The following SYNJ1 variants were observed in gnomAD, a reference collection of about 807,000 sequenced individuals.
SYNJ1 encodes polyphosphatidylinositol phosphatase SYNJ1.
A neutral mutation model predicts 168.2 loss-of-function variants in SYNJ1; 78 were observed. The observed-to-expected ratio is 0.46, with a 90% CI of 0.39 to 0.56. The LOEUF is 0.56. Ranked by LOEUF, SYNJ1 falls within the 20% of genes least tolerant of loss-of-function variation. The pLI is 0.00. For missense variants in SYNJ1, 1,303 were observed against 1,597.6 expected, an observed-to-expected ratio of 0.82 and a Z score of 3.14; for synonymous variants, 539 against 548.6, an observed-to-expected ratio of 0.98 and a Z score of 0.24.
chr21:32,692,631 C>T (rs1361307833), intron 6 of SYNJ1, among the ~76,000 whole-genome samples: 1 of 151,968 alleles, frequency 6.6e-6, no homozygotes, highest in African/African-American at 2.4e-5. Flanking sequence ...CCAACCAGAC[C>T]GTATAGGAAG....
intron 2 of SYNJ1, among the ~76,000 whole-genome samples, chr21:32,719,711 C>A (rs1333742370): frequency 1.4e-5 from 2 of 144,144 alleles, no homozygotes; most frequent in Admixed American, 1.4e-4. Flanking sequence ...AAAACTCCAT[C>A]TTAAAAAAAA....
rs537871808 is a variant in SYNJ1 at position 32,661,566 on chromosome 21, C to G, written c.2304+3347G>C. Among the ~76,000 whole-genome samples, 509 of 152,138 alleles carry G rather than the reference C, an allele frequency of 3.3e-3. 5 individuals carry two copies. Among genetic ancestry groups the G allele is most frequent in the South Asian group, 0.031 (148 of 4,808 alleles). The stretch of plus-strand genomic sequence containing the variant: ...ATAACGGGCCGGTGTTTGTGGCTGA[C>G]TTGGTACAGAAGACAGCAAAGGCAT... On this transcript the variant is annotated intron_variant, in intron 18 of 32. Coordinates refer to ENST00000674351, the MANE Select transcript of SYNJ1 (RefSeq NM_203446.3).
chr21:32,690,529 C>T (rs961781467), intron 6 of SYNJ1, among the ~76,000 whole-genome samples: 4 of 152,120 alleles, frequency 2.6e-5, no homozygotes, highest in African/African-American at 9.7e-5. Context: ...AGAGCTATTG[C>T]CAATCGTGAT....
chr21:32,725,547 A>G (rs2043414062), intron 2 of SYNJ1, among the ~76,000 whole-genome samples: 1 of 152,180 alleles, frequency 6.6e-6, no homozygotes, highest in South Asian at 2.1e-4. Context: ...TTTGCTTAAG[A>G]CTTTTCATTA....
intron 2 of SYNJ1, among the ~76,000 whole-genome samples, chr21:32,717,923 C>A (rs959509057): frequency 1.3e-5 from 2 of 152,224 alleles, no homozygotes; most frequent in Non-Finnish European, 2.9e-5. Context: ...GGCCTGGAAG[C>A]TCTCCAGGCA....
At chr21:32,667,208 A>T (rs995013822) in intron 15 of SYNJ1, among the ~76,000 whole-genome samples, 1 of 152,158 alleles carries the variant, frequency 6.6e-6, no homozygotes, top group Non-Finnish European at 1.5e-5. Context: ...ACCCATGGAT[A>T]AGGACAGCTA....
intron 31 of SYNJ1, 23 bp from the exon 32 acceptor site, chr21:32,634,907 C>T: frequency 1.2e-6 from 2 of 1,613,498 alleles, no homozygotes; most frequent in Non-Finnish European, 1.7e-6. Context: ...AAACAGACAT[C>T]AAAGGAAAGA....
At chr21:32,640,495 C>T (rs547068843) in intron 29 of SYNJ1, among the ~76,000 whole-genome samples, 29 of 152,130 alleles carry the variant, frequency 1.9e-4, no homozygotes, top group African/African-American at 7.0e-4. Context: ...TGGGGTTTCA[C>T]CATGTTGGCC....
At chr21:32,728,036 C>T (rs2043559408), upstream of SYNJ1, 5 of 1,531,806 alleles carry the variant, frequency 3.3e-6, no homozygotes, top group East Asian at 5.0e-5. Flanking sequence ...CCATCTCTTC[C>T]GCATTGCGCC....
intron 21 of SYNJ1, among the ~76,000 whole-genome samples, chr21:32,654,576 G>A (rs1401412615): frequency 1.3e-5 from 2 of 152,136 alleles, no homozygotes; most frequent in African/African-American, 4.8e-5. Flanking sequence ...TCTTTGATAG[G>A]TACCAACACT....
At chr21:32,720,394 C>T (rs1020266050) in intron 2 of SYNJ1, among the ~76,000 whole-genome samples, 3 of 152,270 alleles carry the variant, frequency 2.0e-5, no homozygotes, top group East Asian at 1.9e-4. Flanking sequence ...TAGTCCTTTA[C>T]GCAGTTTTAT....
chr21:32,659,067 T>G (rs115270259), intron 18 of SYNJ1, among the ~76,000 whole-genome samples: 10 of 151,186 alleles, frequency 6.6e-5, no homozygotes, highest in African/African-American at 2.4e-4. Context: ...CCAGGCACCA[T>G]ACCAGATGGC....
Position 32,628,873 on chromosome 21 carries a change from AATATTGTATGCC to A in SYNJ1, c.*2920_*2931del, listed in dbSNP as rs1223085052. Reference sequence around the variant, plus strand: ...TACTTCTATAAAGTTTATAGTTATAAATATTGTATGCCACATAAGCAATAAAATTCTTACATA... The same window carrying A: ...TACTTCTATAAAGTTTATAGTTATAAACATAAGCAATAAAATTCTTACATA... On this transcript the variant is annotated 3_prime_UTR_variant, in exon 33 of 33. Transcript: ENST00000674351. The A allele has an allele frequency of 6.6e-6, 1 of 152,588 alleles. No individual in the cohort carries two copies. The highest frequency in any genetic ancestry group is 1.9e-4 in the East Asian group (1 of 5,196). 9.5% of individuals were successfully genotyped at this position (152,588 alleles called of 1,614,324 possible).
chr21:32,692,614 A>T (rs2042066062), intron 6 of SYNJ1, among the ~76,000 whole-genome samples: 1 of 152,106 alleles, frequency 6.6e-6, no homozygotes, highest in Non-Finnish European at 1.5e-5. Context: ...TCACCACATA[A>T]CATTAGCCAA....
intron 7 of SYNJ1, 128 bp from the exon 8 acceptor site, chr21:32,687,202 C>T (rs2041864930): frequency 1.2e-5 from 6 of 511,302 alleles, no homozygotes; most frequent in Admixed American, 4.5e-5. Context: ...AAACTGGGTG[C>T]GAATTCATTG....
intron 10 of SYNJ1, among the ~76,000 whole-genome samples, chr21:32,682,959 A>C (rs13339953): frequency 0.018 from 2,763 of 152,244 alleles, 86 homozygotes; most frequent in African/African-American, 0.063. Context: ...AATAAACATC[A>C]AAAACATACT....
chr21:32,698,390 C>A (rs2042284228), intron 4 of SYNJ1, among the ~76,000 whole-genome samples: 1 of 152,110 alleles, frequency 6.6e-6, no homozygotes, highest in Non-Finnish European at 1.5e-5. Flanking sequence ...CCCGAATGTG[C>A]TACTCAAGGA....
intron 6 of SYNJ1, among the ~76,000 whole-genome samples, chr21:32,693,542 A>G (rs890729363): frequency 5.9e-5 from 9 of 152,172 alleles, no homozygotes; most frequent in Admixed American, 3.3e-4. Flanking sequence ...CCTTTTCTCA[A>G]TACTATAGGC....
intron 15 of SYNJ1, among the ~76,000 whole-genome samples, chr21:32,666,896 G>A (rs993445065): frequency 9.9e-5 from 15 of 152,222 alleles, no homozygotes; most frequent in African/African-American, 3.1e-4. Context: ...AAGTATCTGT[G>A]GGAGATTGGT....
Sources: allele counts gnomAD v4.1 joint callset (sites outside exome capture counted in the v4.1 genomes callset), GRCh38; gene constraint gnomAD v4.1.1; transcripts MANE v1.5; gene names NCBI Gene and HGNC (gene_info 2026-07-23, HGNC 2026-07-21).